Variants in MARCHF10 observed in about 807,000 individuals in gnomAD.
MARCHF10 encodes membrane associated ring-CH-type finger 10.
MARCHF10 carries 64 observed loss-of-function variants against 76.2 expected under a neutral mutation model. The ratio of observed to expected loss-of-function variants is 0.84; its 90% CI spans 0.69 to 1.03. The LOEUF (loss-of-function observed/expected upper bound fraction) is 1.03. MARCHF10 is among the 50% of genes least tolerant of loss of function. The pLI, the probability that MARCHF10 is intolerant of heterozygous loss-of-function variation, is 0.00. For missense variants in MARCHF10, 875 were observed against 958.0 expected, an observed-to-expected ratio of 0.91 and a Z score of 1.14; for synonymous variants, 340 against 357.5, an observed-to-expected ratio of 0.95 and a Z score of 0.55.
chr17:62,705,248 A>G, intron 10 of MARCHF10: 4 of 1,359,020 alleles, frequency 2.9e-6, no homozygotes, highest in Non-Finnish European at 3.8e-6. Flanking sequence ...GAATCCCAGC[A>G]AGGAAAAGGA....
rs1257106226 is a variant in MARCHF10, at chr17:62,701,692, T to TG, written c.*10dup. The TG allele has an allele frequency of 6.2e-7, 1 of 1,614,080 alleles. No homozygotes were observed. On this transcript the variant is annotated 3_prime_UTR_variant, in exon 11 of 11. Coordinates refer to ENST00000311269, the MANE Select transcript of MARCHF10 (RefSeq NM_152598.4). The stretch of plus-strand genomic sequence containing the variant: ...AGAGGTCTCCGCCGAGCTCCACAGT[T>TG]GGCTTCCTTGCTAGACGACCTGGCT...
chr17:62,789,011 C>G (rs1306793600), intron 2 of MARCHF10, among the ~76,000 whole-genome samples: 2 of 126,510 alleles, frequency 1.6e-5, no homozygotes, highest in African/African-American at 3.0e-5. Context: ...TGCAGTGAGC[C>G]GAGATTGCGC....
chr17:62,746,851 G>A (rs965261045), intron 4 of MARCHF10: 12 of 1,516,700 alleles, frequency 7.9e-6, no homozygotes, highest in Middle Eastern at 1.7e-4. Flanking sequence ...ACTGAGCCCC[G>A]CCACTGCATT....
chr17:62,779,059 T>A (rs1005259642), intron 3 of MARCHF10, among the ~76,000 whole-genome samples: 17 of 152,220 alleles, frequency 1.1e-4, no homozygotes, highest in Non-Finnish European at 8.8e-5. Flanking sequence ...TCTCTCTCCA[T>A]GACGTGCGTT....
chr17:62,789,964 T>C (rs1598041877), intron 2 of MARCHF10, among the ~76,000 whole-genome samples: 2 of 152,052 alleles, frequency 1.3e-5, no homozygotes, highest in South Asian at 2.1e-4. Context: ...TTTAGTTGAA[T>C]TGCATTTTTG....
intron 9 of MARCHF10, among the ~76,000 whole-genome samples, chr17:62,709,817 C>T (rs2089816822): frequency 6.6e-6 from 1 of 152,040 alleles, no homozygotes; most frequent in Non-Finnish European, 1.5e-5. Context: ...TGGCACCAAT[C>T]ATGGCTCACT....
intron 2 of MARCHF10, among the ~76,000 whole-genome samples, chr17:62,793,196 TCACCAC>T (rs369090555): frequency 0.24 from 12,021 of 49,664 alleles, 1,030 homozygotes; most frequent in Admixed American, 0.34. Flanking sequence ...ACCACCTCCA[TCACCAC>T]CACCACCACC....
chr17:62,736,221 T>G lies in MARCHF10; in HGVS notation c.1647A>C (p.Leu549Phe), dbSNP rs568372532. The change falls in exon 6 of 11, where the codon TTA becomes TTC. Residue 549 changes from leucine (L) to phenylalanine (F), a missense_variant. Leu to Phe is a conservative substitution (Grantham distance 22). Transcript: ENST00000311269. ...GTGGAGCCCCCTGAGGCTGGCTTGT[T>G]AAAGTAGTATCTTCTGCTTCCCTGA... is the stretch of plus-strand genomic sequence containing the variant. ...FAVREAEDTT[L>F]TSQPQGAPLY... 6 of 1,614,234 alleles carry G rather than the reference T, an allele frequency of 3.7e-6. No individual in the cohort carries two copies. The highest frequency in any genetic ancestry group is 4.2e-6 in the Non-Finnish European group (5 of 1,180,044).
At position 62,736,976 on chromosome 17, in the gene MARCHF10, C is replaced by T; in HGVS notation, c.892G>A (p.Glu298Lys). 6.2e-7 allele frequency: 1 copy of T among 1,614,196 alleles called. No homozygotes were observed. Among genetic ancestry groups the T allele is most frequent in the South Asian group, 1.1e-5 (1 of 91,080 alleles). ...SDDTEEETQSEECLWVGVRSP... is the reference protein window; with the variant it reads ...SDDTEEETQSKECLWVGVRSP... ...CGCACACCAACCCACAGACATTCTT[C>T]AGACTGGGTTTCCTCTTCAGTGTCA... The change falls in exon 6 of 11, where the codon GAA becomes AAA. Residue 298 changes from glutamate (E) to lysine (K), a missense_variant. Glu to Lys is a moderately conservative substitution (Grantham distance 56). Transcript: ENST00000311269.
chr17:62,705,725 C>T (rs2089546115), intron 9 of MARCHF10, 144 bp from the exon 10 acceptor site: 1 of 985,918 alleles, frequency 1.0e-6, no homozygotes, highest in Non-Finnish European at 1.5e-6. Context: ...GTGCTGAGGG[C>T]TGGGTGAGTG....
chr17:62,776,595 G>A (rs1335958039), intron 3 of MARCHF10, among the ~76,000 whole-genome samples: 2 of 152,196 alleles, frequency 1.3e-5, no homozygotes, highest in African/African-American at 4.8e-5. Context: ...TAATGCTGCT[G>A]AAGATCTCCA....
chr17:62,736,194 T>G lies in MARCHF10; in HGVS notation c.1674A>C (p.Leu558=), dbSNP rs1398770067. 8 of 1,614,076 alleles carry G rather than the reference T, an allele frequency of 5.0e-6. No homozygotes were observed. The highest frequency in any genetic ancestry group is 5.1e-6 in the Non-Finnish European group (6 of 1,180,044). ...GTGGATTTAGTAAGAGATCTGTATA[T>G]AGTGGAGCCCCCTGAGGCTGGCTTG... The part of the protein sequence containing the change: ...TLTSQPQGAP[L]YTDLLLNPQG... Residue 558 remains leucine, a synonymous_variant, in exon 6 of 11, where the codon CTA becomes CTC. Coordinates refer to ENST00000311269, the MANE Select transcript of MARCHF10 (RefSeq NM_152598.4).
chr17:62,760,643 G>A (rs1253627761), intron 3 of MARCHF10, among the ~76,000 whole-genome samples: 2 of 152,176 alleles, frequency 1.3e-5, no homozygotes, highest in African/African-American at 2.4e-5. Flanking sequence ...AATTATCCAG[G>A]CATGGAACAG....
chr17:62,760,062 G>A lies in MARCHF10; in HGVS notation c.211-56C>T, dbSNP rs893480791. The A allele has an allele frequency of 2.0e-6, 3 of 1,501,462 alleles. No homozygotes were observed. The Admixed American group carries it at 5.3e-5, about 26-fold the overall frequency. 93.0% of individuals were successfully genotyped at this position (1,501,462 alleles called of 1,614,324 possible). On this transcript the variant is annotated intron_variant, in intron 3 of 10. Coordinates refer to ENST00000311269, the MANE Select transcript of MARCHF10 (RefSeq NM_152598.4). Reference sequence around the variant, plus strand: ...GTGGCCAAGTAGGTCAACTTTGTTAGGCAGAGAAAACAGAAATGAGGCAAA... The same window carrying A: ...GTGGCCAAGTAGGTCAACTTTGTTAAGCAGAGAAAACAGAAATGAGGCAAA...
At chr17:62,790,949 C>T (rs547775998) in intron 2 of MARCHF10, among the ~76,000 whole-genome samples, 1 of 152,316 alleles carries the variant, frequency 6.6e-6, no homozygotes, top group East Asian at 1.9e-4. Flanking sequence ...CAGCTTCACT[C>T]CAACTTGCTT....
rs200814272 is a variant in MARCHF10, at chr17:62,788,587, G to A, written c.103C>T (p.Arg35Ter). Residue 35 changes from arginine to a stop codon, truncating the protein, a stop_gained, in exon 3 of 11, where the codon CGA becomes TGA. Transcript: ENST00000311269. LOFTEE classifies it high-confidence loss of function. ...TTTGGGTCTCTTCTATATTCCTGTC[G>A]TCTCAGACAAGCCTGAAGAACAACA... ...VDSEYQACLR[R>*]QEYRRDPNEK... is the part of the protein sequence containing the mutation. The A allele has an allele frequency of 4.7e-5, 76 of 1,613,952 alleles. No homozygotes were observed. The highest frequency in any genetic ancestry group is 1.6e-4 in the Middle Eastern group (1 of 6,062).
In MARCHF10 at chr17:62,738,312, C is replaced by T. The variant is rs1275898899; in HGVS notation, c.536-980G>A. Among the ~76,000 whole-genome samples the T allele has an allele frequency of 1.3e-5, 2 of 152,134 alleles. No homozygotes were observed. The highest frequency in any genetic ancestry group is 2.1e-4 in the South Asian group (1 of 4,826). On this transcript the variant is annotated intron_variant, in intron 5 of 10. Transcript: ENST00000311269. The surrounding 1 kb of genome is among the most constrained non-coding windows in gnomAD (Gnocchi z 4.0). ...GCCCTTAAGAAACTGGCTGGCCTTCCGATTTCCTTGTGAAAATGAGAATCC... is the reference window on the plus strand; with the variant it reads ...GCCCTTAAGAAACTGGCTGGCCTTCTGATTTCCTTGTGAAAATGAGAATCC...
At chr17:62,718,824 TCTC>T (rs2147668299) in intron 8 of MARCHF10, among the ~76,000 whole-genome samples, 1 of 152,238 alleles carries the variant, frequency 6.6e-6, no homozygotes, top group African/African-American at 2.4e-5. Context: ...AAGAAGTCCT[TCTC>T]CTCTCCCCTC....
intron 3 of MARCHF10, among the ~76,000 whole-genome samples, chr17:62,765,007 G>C (rs1018328172): frequency 1.3e-5 from 2 of 152,076 alleles, no homozygotes; most frequent in African/African-American, 2.4e-5. Flanking sequence ...GGTGGAGCTG[G>C]GTAAGACTAG....
Sources: allele counts gnomAD v4.1 joint callset (sites outside exome capture counted in the v4.1 genomes callset), GRCh38; gene constraint gnomAD v4.1.1; non-coding constraint Gnocchi (gnomAD v3.1); transcripts MANE v1.5; gene names NCBI Gene and HGNC (gene_info 2026-07-23, HGNC 2026-07-21).